ADAMTS7: variants seen among roughly 807,000 people sequenced by gnomAD.
ADAMTS7 encodes the protein A disintegrin and metalloproteinase with thrombospondin motifs 7.
ADAMTS7 carries 89 observed loss-of-function variants against 172.6 expected under a neutral mutation model. The ratio of observed to expected loss-of-function variants is 0.52; its 90% confidence interval spans 0.43 to 0.61. ADAMTS7 has a LOEUF of 0.61. Ranked by LOEUF, ADAMTS7 falls within the 20% of genes least tolerant of loss-of-function variation. The pLI is 0.00. For missense variants in ADAMTS7, 1,973 were observed against 2,355.6 expected, an observed-to-expected ratio of 0.84 and a Z score of 3.36; for synonymous variants, 885 against 978.4, an observed-to-expected ratio of 0.90 and a Z score of 1.78.
Position 78,766,094 on chromosome 15 carries a change from C to T in ADAMTS7, c.3817G>A (p.Glu1273Lys). ...CTGTCCACAGGCCCCAGGCCACCCT[C>T]CAGAGCTGGCTCCCAGGCCACTGTG... is the stretch of plus-strand genomic sequence containing the variant. ...GGTVAWEPAL[E>K]GGLGPVDSEL... The change falls in exon 19 of 24, where the codon GAG (glutamate) becomes AAG (lysine). Residue 1273 changes from glutamate to lysine, a missense_variant. Around this residue, in one of 8 missense-constraint regions of ADAMTS7, gnomAD observed 771 missense variants for 952.6 expected, o/e 0.81. Coordinates refer to ENST00000388820, the MANE Select transcript of ADAMTS7 (RefSeq NM_014272.5). 6.2e-7 allele frequency: 1 copy of T among 1,610,950 alleles called. No individual in the cohort carries two copies. The highest frequency in any genetic ancestry group is 8.5e-7 in the Non-Finnish European group (1 of 1,179,992).
chr15:78,796,524 C>T, intron 4 of ADAMTS7, 66 bp downstream of exon 4: 1 of 1,544,962 alleles, frequency 6.5e-7, no homozygotes, highest in East Asian at 2.3e-5. Context: ...CTGCCCTGCA[C>T]CCACTCTTTG....
chr15:78,761,281 A>G (rs1261287619), intron 23 of ADAMTS7, among the ~76,000 whole-genome samples: 1 of 152,168 alleles, frequency 6.6e-6, no homozygotes, highest in African/African-American at 2.4e-5. Flanking sequence ...CAGACCGGGG[A>G]GATTGCAGGG....
Position 78,806,136 on chromosome 15 carries a change from A to C in ADAMTS7, c.100+4985T>G, listed in dbSNP as rs1208559908. Among the ~76,000 whole-genome samples, 1,080 of 121,668 alleles carry C rather than the reference A, an allele frequency of 8.9e-3. 3 individuals carry two copies. The highest frequency in any genetic ancestry group is 0.039 in the East Asian group (136 of 3,492). 79.8% of individuals were successfully genotyped at this position (121,668 alleles called of 152,430 possible). A position where few individuals can be genotyped will look rare whatever the true frequency, so the allele number is the denominator to read the frequency against. On this transcript the variant is annotated intron_variant, in intron 1 of 23. Transcript: ENST00000388820. The stretch of plus-strand genomic sequence containing the variant: ...CACACACACACACACACAAAAAAAA[A>C]AAAAAAAAAAAAAAAAAAACAGAAA...
Position 78,766,774 on chromosome 15 carries a change from T to C in ADAMTS7, c.3137A>G (p.Glu1046Gly). 3 of 1,610,584 alleles carry C rather than the reference T, an allele frequency of 1.9e-6. No homozygotes were observed. Among genetic ancestry groups the C allele is most frequent in the Non-Finnish European group, 1.7e-6 (2 of 1,179,832 alleles). The change falls in exon 19 of 24, where the codon GAG becomes GGG. Residue 1046 changes from glutamate (E) to glycine (G), a missense_variant. Glu to Gly is a moderately conservative substitution (Grantham distance 98, BLOSUM62 -2). Transcript: ENST00000388820. ...CAGGTCCAGCTCTGGAGCCTCCTCC[T>C]CAATGGCGTTGCCCATGGTGCCTGG... ...PKPGTMGNAI[E>G]EEAPELDLPG...
At chr15:78,772,710 T>C (rs2055271001) in intron 14 of ADAMTS7, among the ~76,000 whole-genome samples, 1 of 152,240 alleles carries the variant, frequency 6.6e-6, no homozygotes, top group Non-Finnish European at 1.5e-5. Context: ...CACCTGCATG[T>C]CCCCATCACC....
chr15:78,764,733 C>T (rs757384303), intron 19 of ADAMTS7, 26 bp from the exon 20 acceptor site: 11 of 1,469,774 alleles, frequency 7.5e-6, no homozygotes, highest in African/African-American at 5.8e-5. Context: ...CCGTGAAAGC[C>T]AGGCAGATCC....
intron 8 of ADAMTS7, among the ~76,000 whole-genome samples, chr15:78,786,883 C>T (rs550072988): frequency 6.6e-6 from 1 of 152,256 alleles, no homozygotes; most frequent in Admixed American, 6.5e-5. Context: ...TCTGCCACCC[C>T]TGAGATCATC....
At chr15:78,764,885 A>G (rs1190039050) in intron 19 of ADAMTS7, 178 bp from the exon 20 acceptor site, 2 of 616,946 alleles carry the variant, frequency 3.2e-6, no homozygotes, top group Non-Finnish European at 5.2e-6. Context: ...GACCGTGAGA[A>G]TGAAAAGTCA....
rs558646800 is a variant in ADAMTS7 at position 78,798,436 on chromosome 15, T to C, written c.457-323A>G. 2.2e-3 allele frequency among the ~76,000 whole-genome samples: 330 copies of C among 152,268 alleles called. 5 individuals carry two copies. Among genetic ancestry groups the C allele is most frequent in the African/African-American group, 7.6e-3 (317 of 41,546 alleles). ...ATCCAAATCTGACAAAACGGTGTCT[T>C]AGTCCCAGACAGCCATCCTGAGTGG... is the stretch of plus-strand genomic sequence containing the variant. On this transcript the variant is annotated intron_variant, in intron 2 of 23. Transcript: ENST00000388820.
Position 78,774,229 on chromosome 15 carries a change from C to T in ADAMTS7, c.1948G>A (p.Asp650Asn), listed in dbSNP as rs2055299866. 6 of 1,586,660 alleles carry T rather than the reference C, an allele frequency of 3.8e-6. No homozygotes were observed. The highest frequency in any genetic ancestry group is 5.1e-6 in the Non-Finnish European group (6 of 1,175,318). The change falls in exon 13 of 24, where the codon GAT becomes AAT. Residue 650 changes from aspartate (D) to asparagine (N), a missense_variant. By Grantham distance (23) the Asp-to-Asn change is conservative. Coordinates refer to ENST00000388820, the MANE Select transcript of ADAMTS7 (RefSeq NM_014272.5). The stretch of plus-strand genomic sequence containing the variant: ...CGGACCTGGTAGCAGGGGGTGCCAT[C>T]GACCACGGCGTCCCGCAGCTTCTCG... ...FAEKLRDAVV[D>N]GTPCYQVRAS... is the part of the protein sequence containing the mutation.
intron 14 of ADAMTS7, among the ~76,000 whole-genome samples, 176 bp downstream of exon 14, chr15:78,772,907 C>A (rs539241757): frequency 1.3e-5 from 2 of 152,252 alleles, no homozygotes; most frequent in Non-Finnish European, 2.9e-5. Flanking sequence ...CAGGTCTCTG[C>A]ACATGGGCCA....
intron 1 of ADAMTS7, among the ~76,000 whole-genome samples, chr15:78,806,589 T>A (rs1353111765): frequency 6.6e-6 from 1 of 152,012 alleles, no homozygotes; most frequent in Non-Finnish European, 1.5e-5. Context: ...CCTCATCTGC[T>A]TGGAGAATCC....
At chr15:78,779,171 C>T (rs1173697199) in intron 8 of ADAMTS7, among the ~76,000 whole-genome samples, 1 of 152,212 alleles carries the variant, frequency 6.6e-6, no homozygotes, top group East Asian at 1.9e-4. Flanking sequence ...TCAGACTGCC[C>T]ATGCTGGCTG....
At position 78,793,722 on chromosome 15, in the gene ADAMTS7, C is replaced by G. The variant is rs192648657; in HGVS notation, c.820-2499G>C. On this transcript the variant is annotated intron_variant, in intron 4 of 23. Transcript: ENST00000388820. ...CTTTATCCCAGGTAGAGCGATGGCT[C>G]TCAACAAGTCAGTCTTAAATAAACA... 1.7e-4 allele frequency among the ~76,000 whole-genome samples: 26 copies of G among 152,342 alleles called. No homozygotes were observed. The East Asian group carries it at 4.2e-3, about 25-fold the overall frequency.
chr15:78,811,262 T>C lies in ADAMTS7; in HGVS notation c.-42A>G. On this transcript the variant is annotated 5_prime_UTR_variant, in exon 1 of 24. Transcript: ENST00000388820. ...CCGCCGGGTGACCCCGCGCGCACGC[T>C]CTCGTCCGTCCCGTCCGGTCGCTGC... is the stretch of plus-strand genomic sequence containing the variant. 1 of 1,222,232 alleles carries C rather than the reference T, an allele frequency of 8.2e-7. No homozygotes were observed. The highest frequency in any genetic ancestry group is 1.6e-5 in the African/African-American group (1 of 63,884). 75.7% of individuals were successfully genotyped at this position (1,222,232 alleles called of 1,614,324 possible). A position where few individuals can be genotyped will look rare whatever the true frequency, so the allele number is the denominator to read the frequency against.
intron 8 of ADAMTS7, among the ~76,000 whole-genome samples, chr15:78,786,880 C>T (rs1196910645): frequency 6.6e-6 from 1 of 152,116 alleles, no homozygotes; most frequent in African/African-American, 2.4e-5. Context: ...ACCTCTGCCA[C>T]CCCTGAGATC....
Position 78,811,171 on chromosome 15 carries a change from AG to A in ADAMTS7, c.49del (p.Leu17SerfsTer79). 1 of 1,229,690 alleles carries A rather than the reference AG, an allele frequency of 8.1e-7. No individual in the cohort carries two copies. The highest frequency in any genetic ancestry group is 1.0e-6 in the Non-Finnish European group (1 of 986,584). The allele number at this position is 1,229,690 out of a possible 1,614,324, so 76.2% of individuals were successfully genotyped here. On this transcript the variant is annotated frameshift_variant, in exon 1 of 24. Coordinates refer to ENST00000388820, the MANE Select transcript of ADAMTS7 (RefSeq NM_014272.5). LOFTEE classifies it high-confidence loss of function. ...AGCCAGAGCGCAGAGGAGCAGGAGG[AG>A]GGGGCGCAGCAAAGGCGCGGGGCTG... ...PRSPAPLLRPLLLLLCALAPG... is the reference protein window; with the variant it reads ...PRSPAPLLRPXLLLLCALAPG...
At chr15:78,768,054 G>T in intron 17 of ADAMTS7, 79 bp downstream of exon 17, 1 of 1,050,622 alleles carries the variant, frequency 9.5e-7, no homozygotes. Context: ...GGGATGGGGT[G>T]GGGAGTTGGC....
chr15:78,791,428 C>T (rs921908772), intron 4 of ADAMTS7, among the ~76,000 whole-genome samples: 12 of 152,208 alleles, frequency 7.9e-5, no homozygotes, highest in Non-Finnish European at 1.3e-4. Context: ...ACACACACTG[C>T]CCCAATGTGG....
Sources: gnomAD v4.1 joint callset for allele counts (sites outside exome capture counted in the v4.1 genomes callset) on GRCh38, gnomAD v4.1.1 for gene constraint, gnomAD v4.1.1 regional missense constraint, MANE v1.5 for transcripts, NCBI Gene and HGNC (gene_info 2026-07-23, HGNC 2026-07-21) for gene names.